Variants in S100Z observed in about 807,000 individuals in gnomAD.
S100Z encodes protein S100-Z.
Under a neutral mutation model 8.5 loss-of-function variants are expected in S100Z, and 11 were observed. The ratio of observed to expected loss-of-function variants is 1.30; its 90% confidence interval spans 0.82 to 2.15. The LOEUF is 2.15. S100Z is among the 30% of genes most tolerant of loss of function. The probability of loss-of-function intolerance (pLI) is 0.00; values close to 1 mark genes in which losing one functional copy is unlikely to be tolerated. For missense variants in S100Z, 126 were observed against 117.9 expected, an observed-to-expected ratio of 1.07 and a Z score of -0.32; for synonymous variants, 34 against 43.8, an observed-to-expected ratio of 0.78 and a Z score of 0.89.
chr5:76,951,934 G>A, the S100Z span, among the ~76,000 whole-genome samples: 3 of 152,110 alleles, frequency 2.0e-5, no homozygotes, highest in Non-Finnish European at 4.4e-5. Flanking sequence ...GTTTAATTTC[G>A]AGTATTTTAA....
chr5:76,948,552 C>T, the S100Z span, among the ~76,000 whole-genome samples: 1 of 152,076 alleles, frequency 6.6e-6, no homozygotes, highest in Non-Finnish European at 1.5e-5. Context: ...AGAAGACATA[C>T]AAATGGCCAA....
At chr5:76,943,930 A>T in the S100Z span, among the ~76,000 whole-genome samples, 1 of 21,138 alleles carries the variant, frequency 4.7e-5, no homozygotes, top group South Asian at 3.7e-3. Context: ...AAACTTTGAC[A>T]TTTTTTTCAG....
chr5:76,942,400 C>G, the S100Z span, among the ~76,000 whole-genome samples: 1 of 147,104 alleles, frequency 6.8e-6, no homozygotes, highest in African/African-American at 2.5e-5. Flanking sequence ...ACATGAGCCA[C>G]CATACCTAGC....
intron 1 of S100Z, among the ~76,000 whole-genome samples, chr5:76,858,796 C>T (rs1750962191): frequency 2.0e-5 from 3 of 152,056 alleles, no homozygotes; most frequent in Admixed American, 6.6e-5. Flanking sequence ...AATATCTTAA[C>T]TTGGTGGATA....
intron 4 of S100Z, among the ~76,000 whole-genome samples, chr5:76,886,137 G>A (rs1176470107): frequency 6.6e-6 from 1 of 152,168 alleles, no homozygotes; most frequent in African/African-American, 2.4e-5. Context: ...AGTGGTGCTT[G>A]CCGCTAAGGG....
the S100Z span, among the ~76,000 whole-genome samples, chr5:76,929,674 A>C: frequency 6.6e-6 from 1 of 152,306 alleles, no homozygotes; most frequent in East Asian, 1.9e-4. Context: ...GCAGAGGCTG[A>C]ATGTTATTAT....
chr5:76,911,091 A>G (rs1177954475), intron 4 of S100Z, among the ~76,000 whole-genome samples: 1 of 152,184 alleles, frequency 6.6e-6, no homozygotes, highest in African/African-American at 2.4e-5. Flanking sequence ...TTGGAAGGAC[A>G]ATTTGGAAGG....
the S100Z span, among the ~76,000 whole-genome samples, chr5:76,929,906 A>G: frequency 6.6e-6 from 1 of 152,366 alleles, no homozygotes; most frequent in South Asian, 2.1e-4. Context: ...CTCAATTAAT[A>G]GGAGCTAACA....
At chr5:76,881,365 C>G (rs1743396565) in intron 4 of S100Z, among the ~76,000 whole-genome samples, 1 of 152,204 alleles carries the variant, frequency 6.6e-6, no homozygotes, top group African/African-American at 2.4e-5. Flanking sequence ...GTGAAAGTGT[C>G]TACCCAGACC....
chr5:76,857,001 G>A (rs1750899214), intron 1 of S100Z, among the ~76,000 whole-genome samples: 1 of 152,122 alleles, frequency 6.6e-6, no homozygotes, highest in South Asian at 2.1e-4. Flanking sequence ...ATCCAGCATA[G>A]TGAAAGGTCA....
At chr5:76,931,793 T>G in the S100Z span, among the ~76,000 whole-genome samples, 76 of 136,950 alleles carry the variant, frequency 5.5e-4, no homozygotes, top group Non-Finnish European at 9.4e-4. Context: ...AACATTTGGG[T>G]TTTTTTTATT....
downstream of S100Z, among the ~76,000 whole-genome samples, chr5:76,923,350 C>T (rs1448179721): frequency 6.6e-6 from 1 of 152,178 alleles, no homozygotes; most frequent in African/African-American, 2.4e-5. Flanking sequence ...CCTCTATCAC[C>T]TATATCTCCA....
At chr5:76,906,761 T>A (rs1323245219) in intron 4 of S100Z, among the ~76,000 whole-genome samples, 1 of 151,492 alleles carries the variant, frequency 6.6e-6, no homozygotes, top group Non-Finnish European at 1.5e-5. Context: ...GCCTCCTGAG[T>A]AGCTGGGATT....
the S100Z span, among the ~76,000 whole-genome samples, chr5:76,949,523 G>A: frequency 4.6e-5 from 7 of 152,164 alleles, no homozygotes; most frequent in Admixed American, 6.5e-5. Context: ...TCCTATGTTC[G>A]TTGCACCAGT....
At chr5:76,947,350 G>A in the S100Z span, among the ~76,000 whole-genome samples, 6 of 152,116 alleles carry the variant, frequency 3.9e-5, no homozygotes, top group Admixed American at 3.9e-4. Context: ...AAAATAGCTG[G>A]CACATTAGAA....
At chr5:76,952,885 A>T in the S100Z span, 2 of 527,850 alleles carry the variant, frequency 3.8e-6, no homozygotes, top group Non-Finnish European at 6.8e-6. Flanking sequence ...ATGCTGGGCC[A>T]CGCTGAAAAT....
intron 4 of S100Z, among the ~76,000 whole-genome samples, chr5:76,886,785 C>T (rs769860318): frequency 5.9e-5 from 9 of 152,010 alleles, no homozygotes; most frequent in African/African-American, 9.7e-5. Flanking sequence ...GTGGATCTCA[C>T]GAAGTACATT....
chr5:76,935,007 A>G, the S100Z span, among the ~76,000 whole-genome samples: 3 of 152,172 alleles, frequency 2.0e-5, no homozygotes. Context: ...TAGTCATGCC[A>G]TATTTTTCAT....
At chr5:76,951,367 G>A in the S100Z span, among the ~76,000 whole-genome samples, 1 of 152,214 alleles carries the variant, frequency 6.6e-6, no homozygotes, top group African/African-American at 2.4e-5. Flanking sequence ...GCTGGCTGGA[G>A]AAGAATGTCT....
Sources: gnomAD v4.1 joint callset for allele counts (sites outside exome capture counted in the v4.1 genomes callset) on GRCh38, gnomAD v4.1.1 for gene constraint, MANE v1.5 for transcripts, NCBI Gene and HGNC (gene_info 2026-07-23, HGNC 2026-07-21) for gene names.